TSPAN16: variants seen among roughly 807,000 people sequenced by gnomAD.
TSPAN16 encodes tetraspanin 16, also known as tetraspanin-16.
Under a neutral mutation model 25.2 loss-of-function variants are expected in TSPAN16, and 23 were observed. That is an observed-to-expected ratio of 0.91 (90% CI 0.66 to 1.29). The LOEUF is 1.29. Ranked by LOEUF, TSPAN16 falls within the 50% of genes most tolerant of loss-of-function variation. TSPAN16 has a pLI of 0.00. For synonymous variants in TSPAN16, 123 were observed against 124.4 expected (o/e 0.99, Z 0.08); for missense variants, 272 against 299.9 (o/e 0.91, Z 0.69).
chr19:11,301,377 C>G, intron 4 of TSPAN16, 69 bp downstream of exon 4: 1 of 1,199,486 alleles, frequency 8.3e-7, no homozygotes, highest in South Asian at 1.2e-5. Flanking sequence ...AAGTGGCTCA[C>G]ACCTGTAATC....
In TSPAN16 at chr19:11,312,304, C is replaced by T. The variant is rs2080700922; in HGVS notation, c.687+82C>T. On this transcript the variant is annotated intron_variant, in intron 6 of 6. Transcript: ENST00000590327. ...CCAAACACTGTTCTGGTCACTGGGA[C>T]ACAGGAGTGAACAAAACTAAAAAAA... The T allele has an allele frequency of 6.8e-6, 4 of 590,108 alleles. No homozygotes were observed. In the Admixed American group the frequency reaches 1.5e-4, roughly 23 times the overall value. 36.6% of individuals were successfully genotyped at this position (590,108 alleles called of 1,614,324 possible).
At chr19:11,302,896 T>A (rs1437749566) in intron 4 of TSPAN16, among the ~76,000 whole-genome samples, 430 of 149,390 alleles carry the variant, frequency 2.9e-3, no homozygotes, top group African/African-American at 0.01. Context: ...TTTTTTTTTT[T>A]TTTTTTGTAG....
At chr19:11,297,580 T>A (rs1216075757) in intron 1 of TSPAN16, among the ~76,000 whole-genome samples, 1 of 152,060 alleles carries the variant, frequency 6.6e-6, no homozygotes, top group Non-Finnish European at 1.5e-5. Flanking sequence ...CACTGCAACC[T>A]CCACCTCCCA....
chr19:11,304,578 G>A (rs1325835763), intron 4 of TSPAN16, among the ~76,000 whole-genome samples: 1 of 150,906 alleles, frequency 6.6e-6, no homozygotes, highest in Non-Finnish European at 1.5e-5. Flanking sequence ...AGGCTGGAGT[G>A]CAGTGGCATG....
chr19:11,299,822 A>T (rs1195995327), intron 3 of TSPAN16, among the ~76,000 whole-genome samples: 3 of 151,964 alleles, frequency 2.0e-5, no homozygotes, highest in African/African-American at 7.2e-5. Flanking sequence ...TAAAAATACA[A>T]AAAAACTAGC....
rs144679719 is a variant in TSPAN16 at position 11,302,678 on chromosome 19, T to TACACAC, written c.450+1394_450+1399dup. Among the ~76,000 whole-genome samples, 127 of 126,542 alleles carry TACACAC rather than the reference T, an allele frequency of 1.0e-3. 1 individual carries two copies. Among genetic ancestry groups the TACACAC allele is most frequent in the South Asian group, 5.5e-3 (23 of 4,166 alleles). The allele number at this position is 126,542 out of a possible 152,430, so 83.0% of individuals were successfully genotyped here. The stretch of plus-strand genomic sequence containing the variant: ...ACACATACATATATATATATATATA[T>TACACAC]ACACACACACACACACACACACACA... On this transcript the variant is annotated intron_variant, in intron 4 of 6. Coordinates refer to ENST00000590327, the MANE Select transcript of TSPAN16 (RefSeq NM_001282509.2).
At chr19:11,325,413 G>T (rs1462257685) in intron 6 of TSPAN16, 2 of 1,580,372 alleles carry the variant, frequency 1.3e-6, no homozygotes, top group African/African-American at 2.7e-5. Flanking sequence ...AGCTGCAGCT[G>T]CTGGGCTGGG....
downstream of TSPAN16, among the ~76,000 whole-genome samples, chr19:11,319,821 G>C (rs2080767003): frequency 6.6e-6 from 1 of 151,752 alleles, no homozygotes; most frequent in African/African-American, 2.4e-5. Context: ...GTTTTGTTTT[G>C]TTTTGTTTTT....
chr19:11,316,112 T>TGC, downstream of TSPAN16: 1 of 330,014 alleles, frequency 3.0e-6, no homozygotes, highest in South Asian at 1.6e-4. Flanking sequence ...TGTGTGTGTG[T>TGC]GTGTGGTTTT....
chr19:11,303,033 G>C (rs1009804499), intron 4 of TSPAN16, among the ~76,000 whole-genome samples: 1 of 150,520 alleles, frequency 6.6e-6, no homozygotes, highest in Non-Finnish European at 1.5e-5. Flanking sequence ...CCTCTGCCCC[G>C]CCACCACCCC....
Position 11,301,253 on chromosome 19 carries a change from G to C in TSPAN16, c.395G>C (p.Arg132Thr). ...HTFVTLRKNY[R>T]GYNEPDDYST... is the part of the protein sequence containing the mutation. ...TTCGTGACCCTGAGGAAGAATTACA[G>C]AGGTTACAACGAGCCAGACGACTAT... Residue 132 changes from arginine to threonine, a missense_variant, in exon 4 of 7, where the codon AGA becomes ACA. Physicochemically the swap from Arg to Thr is moderately conservative, Grantham distance 71 (BLOSUM62 -1). Transcript: ENST00000590327. 1 of 1,613,948 alleles carries C rather than the reference G, an allele frequency of 6.2e-7. No individual in the cohort carries two copies. The highest frequency in any genetic ancestry group is 2.2e-5 in the East Asian group (1 of 44,864).
At chr19:11,319,374 C>T (rs937254107), downstream of TSPAN16, among the ~76,000 whole-genome samples, 17 of 152,254 alleles carry the variant, frequency 1.1e-4, no homozygotes, top group East Asian at 1.7e-3. Flanking sequence ...CCAAGGCGGG[C>T]GGATCACGAG....
intron 6 of TSPAN16, chr19:11,323,348 C>T (rs1159524322): frequency 1.3e-5 from 2 of 152,200 alleles, no homozygotes; most frequent in African/African-American, 4.8e-5. Context: ...AATCCCAGCA[C>T]TTTGGGAGGC....
chr19:11,305,623 T>C (rs1599336629), intron 4 of TSPAN16, among the ~76,000 whole-genome samples: 1 of 152,212 alleles, frequency 6.6e-6, no homozygotes, highest in South Asian at 2.1e-4. Context: ...TCCTAGCACT[T>C]TGGGAGGCTG....
chr19:11,296,411 C>T, intron 1 of TSPAN16, 45 bp downstream of exon 1: 1 of 1,584,536 alleles, frequency 6.3e-7, no homozygotes. Flanking sequence ...GCAGCCCTTC[C>T]TCCACAGTCA....
chr19:11,315,512 C>T (rs935574017), intron 6 of TSPAN16, among the ~76,000 whole-genome samples: 1 of 150,338 alleles, frequency 6.7e-6, no homozygotes, highest in Non-Finnish European at 1.5e-5. Context: ...AGCCAAGATC[C>T]GCCACTGCAC....
chr19:11,326,027 C>T (rs1442978969), intron 6 of TSPAN16, among the ~76,000 whole-genome samples: 1 of 152,036 alleles, frequency 6.6e-6, no homozygotes, highest in African/African-American at 2.4e-5. Context: ...TCAAGACCCG[C>T]CTGACCAACA....
At chr19:11,305,078 C>A (rs753637668) in intron 4 of TSPAN16, among the ~76,000 whole-genome samples, 11 of 152,168 alleles carry the variant, frequency 7.2e-5, no homozygotes, top group Non-Finnish European at 1.6e-4. Context: ...GTCACTGCAA[C>A]TGGCTGATGC....
At chr19:11,315,769 T>G in intron 6 of TSPAN16, 22 bp from the exon 7 acceptor site, 2 of 1,231,532 alleles carry the variant, frequency 1.6e-6, no homozygotes, top group Non-Finnish European at 2.0e-6. Context: ...TGGATCCATG[T>G]TTCTTTCTTC....
Sources: gnomAD v4.1 joint callset for allele counts (sites outside exome capture counted in the v4.1 genomes callset) on GRCh38, gnomAD v4.1.1 for gene constraint, MANE v1.5 for transcripts, NCBI Gene and HGNC (gene_info 2026-07-23, HGNC 2026-07-21) for gene names.